Variants in IQANK1 observed in about 807,000 individuals in gnomAD.
IQANK1 encodes the protein IQ motif and ankyrin repeat domain-containing protein 1.
A neutral mutation model predicts 22.6 loss-of-function variants in IQANK1; 30 were observed. The ratio of observed to expected loss-of-function variants is 1.33; its 90% CI spans 0.99 to 1.80. The LOEUF (loss-of-function observed/expected upper bound fraction) is 1.80. IQANK1 is among the 40% of genes most tolerant of loss of function. The pLI is 0.00. For synonymous variants in IQANK1, 122 were observed against 99.6 expected (o/e 1.23, Z -1.34); for missense variants, 275 against 235.2 (o/e 1.17, Z -1.11).
intron 7 of IQANK1, among the ~76,000 whole-genome samples, chr8:143,778,829 C>T (rs1462886919): frequency 3.3e-5 from 5 of 152,212 alleles, no homozygotes; most frequent in Admixed American, 6.5e-5. Context: ...GGCAGTGGCG[C>T]AATCTCACTG....
At position 143,779,545 on chromosome 8, in the gene IQANK1, CTT is replaced by C. The variant is rs532812162; in HGVS notation, c.789+7064_789+7065del. Among the ~76,000 whole-genome samples the C allele has an allele frequency of 2.6e-4, 39 of 148,766 alleles. No individual in the cohort carries two copies. In the South Asian group the frequency reaches 6.7e-3, roughly 25 times the overall value. On this transcript the variant is annotated intron_variant, in intron 7 of 13. Transcript: ENST00000527139. ...ATTCAATTAATCTAATCTTCATTCT[CTT>C]ATAGTTTAATTCATTAATTTACTCA...
intron 7 of IQANK1, among the ~76,000 whole-genome samples, chr8:143,775,365 C>A (rs1554630264): frequency 1.3e-5 from 2 of 151,790 alleles, no homozygotes; most frequent in African/African-American, 4.8e-5. Context: ...GACACACACA[C>A]ACACACACAC....
chr8:143,789,304 G>C (rs539833365), intron 9 of IQANK1, 61 bp downstream of exon 9: 3 of 421,464 alleles, frequency 7.1e-6, no homozygotes, highest in Admixed American at 4.4e-5. Flanking sequence ...GGGGAGGAGG[G>C]GGAGCCGAGG....
Position 143,735,634 on chromosome 8 carries a change from C to T in IQANK1, c.-4-216C>T, listed in dbSNP as rs1383229782. ...CCACGGCCAGGGGGACGGGAGGTGG[C>T]CAAGTGCTCTTGCCAGGCATCCCGG... On this transcript the variant is annotated intron_variant, in intron 1 of 13. Coordinates refer to ENST00000527139, the MANE Select transcript of IQANK1 (RefSeq NM_001381874.1). This position sits in a 1 kb window ranked among gnomAD's most constrained non-coding sequence, Gnocchi z 5.2. 2.0e-5 allele frequency among the ~76,000 whole-genome samples: 3 copies of T among 152,036 alleles called. No homozygotes were observed. The highest frequency in any genetic ancestry group is 4.4e-5 in the Non-Finnish European group (3 of 67,974).
At chr8:143,780,687 C>T (rs767666452) in intron 7 of IQANK1, among the ~76,000 whole-genome samples, 34 of 152,232 alleles carry the variant, frequency 2.2e-4, no homozygotes, top group Admixed American at 7.9e-4. Context: ...TAGTATTCCA[C>T]GGTGTGCATG....
At chr8:143,747,972 C>CCTTTCCTTT (rs1398869330) in intron 3 of IQANK1, among the ~76,000 whole-genome samples, 15 of 50,704 alleles carry the variant, frequency 3.0e-4, no homozygotes, top group Non-Finnish European at 6.9e-4. Context: ...CCTTTCCTTT[C>CCTTTCCTTT]CCTTTCCTTT....
intron 7 of IQANK1, among the ~76,000 whole-genome samples, chr8:143,775,822 A>ACACACACC (rs782475548): frequency 2.1e-5 from 3 of 140,190 alleles, no homozygotes; most frequent in Non-Finnish European, 3.0e-5. Flanking sequence ...ACACACACAC[A>ACACACACC]CCATTCCTAA....
chr8:143,766,684 A>G (rs1819486659), intron 3 of IQANK1, among the ~76,000 whole-genome samples: 2 of 152,164 alleles, frequency 1.3e-5, no homozygotes, highest in Non-Finnish European at 2.9e-5. Flanking sequence ...AAAAAAAGAA[A>G]AAAAAAAGAA....
chr8:143,736,794 C>A (rs1235576389), intron 2 of IQANK1, among the ~76,000 whole-genome samples: 1 of 152,060 alleles, frequency 6.6e-6, no homozygotes, highest in Admixed American at 6.5e-5. Context: ...GTACCCTCCC[C>A]CACCCCAGCC....
At position 143,735,731 on chromosome 8, in the gene IQANK1, C is replaced by G. The variant is rs1407202366; in HGVS notation, c.-4-119C>G. 3.0e-5 allele frequency: 19 copies of G among 640,186 alleles called. No individual in the cohort carries two copies. Among genetic ancestry groups the G allele is most frequent in the Non-Finnish European group, 5.1e-5 (18 of 349,600 alleles). The allele number at this position is 640,186 out of a possible 1,614,324, so 39.7% of individuals were successfully genotyped here. A position where few individuals can be genotyped will look rare whatever the true frequency, so the allele number is the denominator to read the frequency against. On this transcript the variant is annotated intron_variant, in intron 1 of 13. Transcript: ENST00000527139. The surrounding 1 kb of genome is among the most constrained non-coding windows in gnomAD (Gnocchi z 5.2). ...CCAGCTGGGAAGCCTCAGGGGAGCC[C>G]ATGTTCCTGCTGTCATCCACTCAGG...
At chr8:143,785,410 C>T (rs573307788) in intron 7 of IQANK1, among the ~76,000 whole-genome samples, 1 of 151,802 alleles carries the variant, frequency 6.6e-6, no homozygotes, top group Non-Finnish European at 1.5e-5. Context: ...GTGTGCAGCA[C>T]CACATCAGCT....
chr8:143,782,221 T>C (rs1283240424), intron 7 of IQANK1, among the ~76,000 whole-genome samples: 5 of 152,176 alleles, frequency 3.3e-5, no homozygotes, highest in Non-Finnish European at 7.4e-5. Flanking sequence ...GGGCTAAGAC[T>C]ATGGGGTTTT....
chr8:143,734,709 C>CTA (rs1818677558), intron 1 of IQANK1, among the ~76,000 whole-genome samples: 5 of 152,050 alleles, frequency 3.3e-5, no homozygotes, highest in Admixed American at 3.3e-4. Context: ...CACACTGACT[C>CTA]TGAGAGCACA....
rs1394931108 is a variant in IQANK1 at position 143,788,995 on chromosome 8, G to A, written c.870G>A (p.Glu290=). Residue 290 remains glutamate, a synonymous_variant, in exon 8 of 14, where the codon GAG becomes GAA. Coordinates refer to ENST00000527139, the MANE Select transcript of IQANK1 (RefSeq NM_001381874.1). ...CGGAGGCCATGCTCCAGAACATGGA[G>A]GCTGAGCAGCAGCGCCGGGCCCAGG... ...SLTEAMLQNM[E]AEQQRRAQEA... 1 of 399,922 alleles carries A rather than the reference G, an allele frequency of 2.5e-6. No homozygotes were observed. The highest frequency in any genetic ancestry group is 4.4e-5 in the Admixed American group (1 of 22,724). The allele number at this position is 399,922 out of a possible 1,614,324, so 24.8% of individuals were successfully genotyped here.
chr8:143,757,770 T>C (rs1819320693), intron 3 of IQANK1, among the ~76,000 whole-genome samples: 1 of 152,170 alleles, frequency 6.6e-6, no homozygotes, highest in Non-Finnish European at 1.5e-5. Flanking sequence ...CACCTCAGCC[T>C]TTTGAGTAGC....
intron 6 of IQANK1, 52 bp downstream of exon 6, chr8:143,772,295 C>T (rs573393080): frequency 1.5e-5 from 6 of 398,424 alleles, no homozygotes; most frequent in African/African-American, 1.0e-4. Context: ...GTCCAGGGCC[C>T]TCAGGGGCCT....
Position 143,758,312 on chromosome 8 carries a change from A to C in IQANK1, c.176-13176A>C, listed in dbSNP as rs1819329295. 6.6e-6 allele frequency: 1 copy of C among 152,230 alleles called. No homozygotes were observed. The highest frequency in any genetic ancestry group is 1.5e-5 in the Non-Finnish European group (1 of 68,092). The allele number at this position is 152,230 out of a possible 1,614,324, so 9.4% of individuals were successfully genotyped here. ...AAACTTCGTCTCTACTGAAAATACA[A>C]AATTAGCTGGGCATGGTGGCACATG... On this transcript the variant is annotated intron_variant, in intron 3 of 13. Transcript: ENST00000527139. This position sits in a 1 kb window ranked among gnomAD's most constrained non-coding sequence, Gnocchi z 4.2.
chr8:143,761,000 C>T (rs1002092841), intron 3 of IQANK1, among the ~76,000 whole-genome samples: 1 of 152,174 alleles, frequency 6.6e-6, no homozygotes, highest in South Asian at 2.1e-4. Context: ...CACCAGGGAC[C>T]TCCTGGTGCG....
intron 7 of IQANK1, among the ~76,000 whole-genome samples, chr8:143,778,659 CTTCATCA>C (rs1409281656): frequency 2.6e-5 from 4 of 152,246 alleles, no homozygotes; most frequent in Non-Finnish European, 5.9e-5. Flanking sequence ...ATCACCATCC[CTTCATCA>C]TTCATCAGTC....
Sources: allele counts gnomAD v4.1 joint callset (sites outside exome capture counted in the v4.1 genomes callset), GRCh38; gene constraint gnomAD v4.1.1; non-coding constraint Gnocchi (gnomAD v3.1); transcripts MANE v1.5; gene names NCBI Gene and HGNC (gene_info 2026-07-23, HGNC 2026-07-21).